The following RTBDN variants were observed in gnomAD, a reference collection of about 807,000 sequenced individuals.
RTBDN encodes the protein retbindin.
A neutral mutation model predicts 21.9 loss-of-function variants in RTBDN; 24 were observed. That is an observed-to-expected ratio of 1.10 (90% CI 0.79 to 1.54). The LOEUF (loss-of-function observed/expected upper bound fraction) is 1.54. Among genes scored for constraint, RTBDN ranks in the 40% most tolerant of loss-of-function variants. The pLI is 0.00. For synonymous variants in RTBDN, 141 were observed against 125.9 expected, an observed-to-expected ratio of 1.12 and a Z score of -0.80; for missense variants, 325 against 315.2, an observed-to-expected ratio of 1.03 and a Z score of -0.23.
intron 4 of RTBDN, among the ~76,000 whole-genome samples, chr19:12,828,395 CA>C (rs1215529511): frequency 6.7e-4 from 82 of 123,154 alleles, no homozygotes; most frequent in African/African-American, 5.5e-4. Context: ...GACTCCATCT[CA>C]AAAAAAAAAA....
chr19:12,832,942 T>C (rs1023982706), intron 1 of RTBDN: 4 of 152,202 alleles, frequency 2.6e-5, no homozygotes, highest in African/African-American at 9.6e-5. Context: ...GACACTCTCC[T>C]CTCCAACTTT....
intron 1 of RTBDN, chr19:12,832,476 G>A (rs1969612383): frequency 1.3e-5 from 2 of 152,182 alleles, no homozygotes; most frequent in South Asian, 4.1e-4. Context: ...TTCAGCCTCT[G>A]GGCTATGCCT....
intron 1 of RTBDN, among the ~76,000 whole-genome samples, chr19:12,832,274 G>GA (rs2052134787): frequency 6.6e-6 from 1 of 152,120 alleles, no homozygotes; most frequent in African/African-American, 2.4e-5. Context: ...TTCCCTCCCA[G>GA]ATCCCAAAAC....
chr19:12,831,347 T>C (rs1969566329), intron 1 of RTBDN, among the ~76,000 whole-genome samples: 1 of 152,204 alleles, frequency 6.6e-6, no homozygotes, highest in Non-Finnish European at 1.5e-5. Context: ...CATCCATTCA[T>C]TCAACAAACA....
In RTBDN at chr19:12,830,849, GTGTGTGTGTGTGTA is replaced by G. The variant is rs930445829; in HGVS notation, c.-18-866_-18-853del. On this transcript the variant is annotated intron_variant, in intron 1 of 5. Transcript: ENST00000674343. The surrounding 1 kb of genome is among the most constrained non-coding windows in gnomAD (Gnocchi z 4.2). ...CTATATATGTGGGGAGTGTGTGTGT[GTGTGTGTGTGTGTA>G]TGTGTGTGAGGAAGGTGTGTTTGTG... Among the ~76,000 whole-genome samples, 1 of 152,132 alleles carries G rather than the reference GTGTGTGTGTGTGTA, an allele frequency of 6.6e-6. No homozygotes were observed. The highest frequency in any genetic ancestry group is 1.5e-5 in the Non-Finnish European group (1 of 68,010).
chr19:12,831,214 G>A (rs1969562384), intron 1 of RTBDN, among the ~76,000 whole-genome samples: 1 of 152,182 alleles, frequency 6.6e-6, no homozygotes, highest in African/African-American at 2.4e-5. Context: ...TTTTGACCAT[G>A]AAGGTTGACC....
chr19:12,833,506 C>T (rs556779927), intron 1 of RTBDN, among the ~76,000 whole-genome samples: 1 of 152,032 alleles, frequency 6.6e-6, no homozygotes, highest in Admixed American at 6.5e-5. Flanking sequence ...GACAGGGCGT[C>T]CCTGTGGAAA....
intron 1 of RTBDN, among the ~76,000 whole-genome samples, chr19:12,833,140 G>A (rs564047158): frequency 7.2e-5 from 11 of 152,306 alleles, no homozygotes; most frequent in African/African-American, 2.6e-4. Context: ...GGTTCCCTGA[G>A]GAGGCTCTGA....
At chr19:12,831,806 C>G (rs538785064) in intron 1 of RTBDN, among the ~76,000 whole-genome samples, 1 of 152,232 alleles carries the variant, frequency 6.6e-6, no homozygotes, top group African/African-American at 2.4e-5. Context: ...GAAAAACATC[C>G]CTGCAGAGGG....
At chr19:12,835,239 G>A (rs1346604574), upstream of RTBDN, 1 of 789,648 alleles carries the variant, frequency 1.3e-6, no homozygotes, top group African/African-American at 1.7e-5. Context: ...ACATGAGTTG[G>A]AAAACTAATT....
intron 1 of RTBDN, among the ~76,000 whole-genome samples, chr19:12,833,317 A>C (rs935628494): frequency 6.6e-6 from 1 of 150,976 alleles, no homozygotes; most frequent in African/African-American, 2.5e-5. Flanking sequence ...CACAGAGGAT[A>C]TGGCTTTTAG....
In RTBDN at chr19:12,830,679, T is replaced by C. The variant is rs560281486; in HGVS notation, c.-18-682A>G. 1.7e-4 allele frequency: 166 copies of C among 985,576 alleles called. No homozygotes were observed. The South Asian group carries it at 5.8e-3, about 35-fold the overall frequency. 61.1% of individuals were successfully genotyped at this position (985,576 alleles called of 1,614,324 possible). On this transcript the variant is annotated intron_variant, in intron 1 of 5. Transcript: ENST00000674343. The surrounding 1 kb of genome is among the most constrained non-coding windows in gnomAD (Gnocchi z 4.2). ...GGATCCAGTCCAGGAAACTGGCTGC[T>C]GAAAGGGGCGTGGCTTAATGCAGGG...
At position 12,828,941 on chromosome 19, in the gene RTBDN, G is replaced by C. The variant is rs761961948; in HGVS notation, c.182C>G (p.Pro61Arg). ...GKLHLAGPCC[P>R]SEMDTTETSG... ...TGTCTCTGTTGTGTCCATCTCTGAG[G>C]GACAACAAGGTCCTGGCAAAGGGGA... is the stretch of plus-strand genomic sequence containing the variant. Residue 61 changes from proline (P) to arginine (R), a missense_variant, in exon 3 of 6, where the codon CCC (proline) becomes CGC (arginine). Coordinates refer to ENST00000674343, the MANE Select transcript of RTBDN (RefSeq NM_001270441.2). The C allele has an allele frequency of 2.5e-6, 4 of 1,614,140 alleles. No individual in the cohort carries two copies. In the East Asian group the frequency reaches 6.7e-5, roughly 27 times the overall value.
chr19:12,835,027 A>G, upstream of RTBDN: 2 of 1,599,122 alleles, frequency 1.3e-6, no homozygotes, highest in Non-Finnish European at 1.7e-6. Context: ...GAATGGGCCC[A>G]GACTCAGGCT....
chr19:12,830,127 G>A lies in RTBDN; in HGVS notation c.-18-130C>T. 1 of 1,286,876 alleles carries A rather than the reference G, an allele frequency of 7.8e-7. No homozygotes were observed. Among genetic ancestry groups the A allele is most frequent in the Non-Finnish European group, 1.0e-6 (1 of 960,350 alleles). The allele number at this position is 1,286,876 out of a possible 1,614,324, so 79.7% of individuals were successfully genotyped here. A position where few individuals can be genotyped will look rare whatever the true frequency, so the allele number is the denominator to read the frequency against. On this transcript the variant is annotated intron_variant, in intron 1 of 5. Coordinates refer to ENST00000674343, the MANE Select transcript of RTBDN (RefSeq NM_001270441.2). This position sits in a 1 kb window ranked among gnomAD's most constrained non-coding sequence, Gnocchi z 4.2. ...CAGCTGAGGAGGAGGCTGGGGCAGT[G>A]GCCAAGGACGTTCAAATCCCAGGAG...
chr19:12,829,706 G>T (rs1252451875), intron 2 of RTBDN, 105 bp downstream of exon 2: 26 of 1,182,908 alleles, frequency 2.2e-5, no homozygotes, highest in Non-Finnish European at 3.0e-5. Flanking sequence ...CTCCCACCTT[G>T]GTGGCCATGC....
chr19:12,835,042 C>G (rs750835575), upstream of RTBDN: 2 of 1,605,098 alleles, frequency 1.2e-6, no homozygotes, highest in Non-Finnish European at 1.7e-6. Flanking sequence ...CAGGCTCCAT[C>G]CCCAGCCTGA....
upstream of RTBDN, chr19:12,834,717 T>C (rs1599569887): frequency 6.4e-7 from 1 of 1,566,762 alleles, no homozygotes; most frequent in Admixed American, 1.7e-5. The surrounding 1 kb of genome is among the most constrained non-coding windows in gnomAD (Gnocchi z 4.7). Context: ...CTGCACGGAG[T>C]GGGACACTGA....
Position 12,826,811 on chromosome 19 carries a change from T to C in RTBDN, c.426A>G (p.Lys142=), listed in dbSNP as rs762555448. The change falls in exon 5 of 6, where the codon AAA becomes AAG. Residue 142 remains lysine, a synonymous_variant. Transcript: ENST00000674343. The stretch of plus-strand genomic sequence containing the variant: ...TAAGGCAGCTGGGCTCACAGCCCCT[T>C]TTTTCTGAGAGTGGGAGCCAAGTCG... ...CGPTWLPLSE[K]RGCEPSCLTY... 1.9e-6 allele frequency: 3 copies of C among 1,555,276 alleles called. No individual in the cohort carries two copies. Among genetic ancestry groups the C allele is most frequent in the African/African-American group, 1.4e-5 (1 of 73,134 alleles).
Sources: gnomAD v4.1 joint callset for allele counts (sites outside exome capture counted in the v4.1 genomes callset) on GRCh38, gnomAD v4.1.1 for gene constraint, Gnocchi (gnomAD v3.1) non-coding constraint, MANE v1.5 for transcripts, NCBI Gene and HGNC (gene_info 2026-07-23, HGNC 2026-07-21) for gene names.